TENM3: variants seen among roughly 807,000 people sequenced by gnomAD.
TENM3 encodes the protein teneurin transmembrane protein 3.
A neutral mutation model predicts 255.1 loss-of-function variants in TENM3; 63 were observed. That is an observed-to-expected ratio of 0.25 (90% CI 0.20 to 0.30). TENM3 has a LOEUF of 0.30. Among genes scored for constraint, TENM3 ranks in the 10% least tolerant of loss-of-function variants. The pLI is 1.00. For missense variants in TENM3, 2,929 were observed against 3,461.1 expected, an observed-to-expected ratio of 0.85 and a Z score of 3.86; for synonymous variants, 1,306 against 1,322.3, an observed-to-expected ratio of 0.99 and a Z score of 0.27.
At chr4:181,596,702 C>T in the TENM3 span, among the ~76,000 whole-genome samples, 2 of 152,050 alleles carry the variant, frequency 1.3e-5, no homozygotes, top group Non-Finnish European at 2.9e-5. Context: ...CAATGATAGA[C>T]TGGATAAAGA....
chr4:181,747,319 T>C, the TENM3 span, among the ~76,000 whole-genome samples: 1 of 152,132 alleles, frequency 6.6e-6, no homozygotes, highest in Non-Finnish European at 1.5e-5. Flanking sequence ...TAAATTGCCT[T>C]TCTTAAATTT....
the TENM3 span, among the ~76,000 whole-genome samples, chr4:181,740,123 T>C: frequency 2.0e-5 from 3 of 152,226 alleles, no homozygotes; most frequent in East Asian, 5.8e-4. Context: ...AATCCACAGG[T>C]ATTCTAAACC....
intron 1 of TENM3, among the ~76,000 whole-genome samples, chr4:182,268,713 G>T (rs1339361030): frequency 1.3e-5 from 2 of 152,092 alleles, no homozygotes; most frequent in Non-Finnish European, 2.9e-5. Flanking sequence ...TGTCCTCATT[G>T]CTGTGCTCCC....
chr4:181,448,221 C>T, the TENM3 span, among the ~76,000 whole-genome samples: 7 of 123,030 alleles, frequency 5.7e-5, 1 homozygote, highest in Non-Finnish European at 1.1e-4. Flanking sequence ...GGCTGGAGTG[C>T]AGTGGCGCGA....
the TENM3 span, among the ~76,000 whole-genome samples, chr4:181,629,058 G>GT: frequency 2.1e-3 from 314 of 152,276 alleles, 2 homozygotes; most frequent in African/African-American, 7.0e-3. Flanking sequence ...CACATCCCTT[G>GT]TAAGTTGGAT....
chr4:182,650,889 A>ATATATATATATATATATATAT (rs1554007797), intron 5 of TENM3, among the ~76,000 whole-genome samples: 1 of 29,764 alleles, frequency 3.4e-5, no homozygotes, highest in Non-Finnish European at 5.7e-5. Context: ...AATAAAAAAA[A>ATATATATATATATATATATAT]ATATATATAT....
At chr4:182,165,478 C>T (rs532343024) in intron 1 of TENM3, among the ~76,000 whole-genome samples, 9 of 152,282 alleles carry the variant, frequency 5.9e-5, no homozygotes, top group Admixed American at 2.6e-4. Context: ...TTTTCTTACA[C>T]GTTCCGTCGT....
chr4:181,596,920 G>A, the TENM3 span, among the ~76,000 whole-genome samples: 1 of 152,082 alleles, frequency 6.6e-6, no homozygotes, highest in Non-Finnish European at 1.5e-5. Context: ...AACATACACT[G>A]GGGCCTTTTG....
At position 182,572,775 on chromosome 4, in the gene TENM3, G is replaced by A. The variant is rs539987875; in HGVS notation, c.512-28149G>A. Reference sequence around the variant, plus strand: ...ATTTGATAAAAAGGCTTGAATTCACGTACCAACTCATATTCATTGTGATAC... The same window carrying A: ...ATTTGATAAAAAGGCTTGAATTCACATACCAACTCATATTCATTGTGATAC... On this transcript the variant is annotated intron_variant, in intron 3 of 27. Coordinates refer to ENST00000511685, the MANE Select transcript of TENM3 (RefSeq NM_001080477.4). 1.4e-3 allele frequency among the ~76,000 whole-genome samples: 218 copies of A among 152,268 alleles called. 1 individual carries two copies. Among genetic ancestry groups the A allele is most frequent in the African/African-American group, 4.9e-3 (204 of 41,564 alleles).
intron 1 of TENM3, among the ~76,000 whole-genome samples, chr4:182,233,396 G>A (rs1425357044): frequency 2.6e-5 from 4 of 152,204 alleles, no homozygotes; most frequent in South Asian, 2.1e-4. Context: ...CCTGACCGAC[G>A]TATGCTACAA....
At chr4:182,267,955 T>C (rs1759348247) in intron 1 of TENM3, among the ~76,000 whole-genome samples, 1 of 152,204 alleles carries the variant, frequency 6.6e-6, no homozygotes, top group South Asian at 2.1e-4. Flanking sequence ...CTTATTCCTG[T>C]GAACCAACCA....
the TENM3 span, among the ~76,000 whole-genome samples, chr4:181,582,389 C>CTGAT: frequency 6.6e-6 from 1 of 152,144 alleles, no homozygotes; most frequent in African/African-American, 2.4e-5. Context: ...TTGCCTGATA[C>CTGAT]TGATGTACCT....
At chr4:182,275,364 T>C (rs1401192236) in intron 1 of TENM3, among the ~76,000 whole-genome samples, 1 of 152,194 alleles carries the variant, frequency 6.6e-6, no homozygotes, top group Non-Finnish European at 1.5e-5. Flanking sequence ...GTGTGTCTTA[T>C]TCTTCACGTT....
At chr4:181,899,994 G>A in the TENM3 span, among the ~76,000 whole-genome samples, 1 of 151,608 alleles carries the variant, frequency 6.6e-6, no homozygotes, top group Non-Finnish European at 1.5e-5. Flanking sequence ...TTTTATATTG[G>A]TTGTAGTATT....
chr4:181,898,269 C>A, the TENM3 span, among the ~76,000 whole-genome samples: 1 of 151,490 alleles, frequency 6.6e-6, no homozygotes, highest in African/African-American at 2.4e-5. Context: ...GCTACACACA[C>A]ACACACACAC....
intron 3 of TENM3, among the ~76,000 whole-genome samples, chr4:182,486,678 T>C (rs530643035): frequency 2.0e-5 from 3 of 152,274 alleles, no homozygotes; most frequent in African/African-American, 7.2e-5. Context: ...TGCTGCACTT[T>C]TATTGCAGGA....
At chr4:181,978,624 C>T in the TENM3 span, among the ~76,000 whole-genome samples, 7 of 132,218 alleles carry the variant, frequency 5.3e-5, no homozygotes, top group Admixed American at 9.0e-5. Flanking sequence ...TCCAGCCTGG[C>T]GACAGAGAAA....
chr4:181,690,835 TC>T, the TENM3 span, among the ~76,000 whole-genome samples: 1 of 152,216 alleles, frequency 6.6e-6, no homozygotes, highest in Non-Finnish European at 1.5e-5. Flanking sequence ...TATGTTCTCT[TC>T]TTGTCATTTG....
chr4:182,729,986 A>C (rs185409497), intron 14 of TENM3, among the ~76,000 whole-genome samples: 6 of 152,352 alleles, frequency 3.9e-5, no homozygotes, highest in Non-Finnish European at 8.8e-5. Context: ...CCACAAATTA[A>C]AACCCAGGAT....
Sources: allele counts gnomAD v4.1 joint callset (sites outside exome capture counted in the v4.1 genomes callset), GRCh38; gene constraint gnomAD v4.1.1; transcripts MANE v1.5; gene names NCBI Gene and HGNC (gene_info 2026-07-23, HGNC 2026-07-21).